Variants in SAMD3 observed in about 807,000 individuals in gnomAD.
SAMD3 encodes the protein sterile alpha motif domain containing 3, also known as sterile alpha motif domain-containing protein 3.
Under a neutral mutation model 58.5 loss-of-function variants are expected in SAMD3, and 63 were observed. That is an observed-to-expected ratio of 1.08 (90% CI 0.88 to 1.33). The LOEUF is 1.33. Among genes scored for constraint, SAMD3 ranks in the 40% most tolerant of loss-of-function variants. The pLI, the probability that SAMD3 is intolerant of heterozygous loss-of-function variation, is 0.00. For missense variants in SAMD3, 604 were observed against 608.4 expected, an observed-to-expected ratio of 0.99 and a Z score of 0.08; for synonymous variants, 220 against 210.3, an observed-to-expected ratio of 1.05 and a Z score of -0.40.
intron 2 of SAMD3, among the ~76,000 whole-genome samples, chr6:130,310,712 C>T (rs1212055978): frequency 6.6e-6 from 1 of 152,080 alleles, no homozygotes; most frequent in African/African-American, 2.4e-5. Flanking sequence ...ATTTCTATGC[C>T]CTACAACTGC....
intron 1 of SAMD3, among the ~76,000 whole-genome samples, chr6:130,217,637 G>C (rs1344621407): frequency 6.6e-6 from 1 of 152,230 alleles, no homozygotes; most frequent in African/African-American, 2.4e-5. Context: ...AGGGTCACCT[G>C]CTGTGAACGT....
In SAMD3 at chr6:130,269,135, T is replaced by A. The variant is rs10457543; in HGVS notation, c.-188+43843A>T. Among the ~76,000 whole-genome samples the A allele has an allele frequency of 1.6e-4, 25 of 152,096 alleles. No individual in the cohort carries two copies. In the East Asian group the frequency reaches 4.8e-3, roughly 29 times the overall value. On this transcript the variant is annotated intron_variant, in intron 2 of 13. Transcript: ENST00000368134. Reference sequence around the variant, plus strand: ...ATTTTTGAATTAATTTTGGTATAAGTTGTGAAGTTTAGGTTGAGGTTCTTT... The same window carrying A: ...ATTTTTGAATTAATTTTGGTATAAGATGTGAAGTTTAGGTTGAGGTTCTTT...
At chr6:130,166,755 G>A (rs563419757) in intron 8 of SAMD3, among the ~76,000 whole-genome samples, 2 of 152,244 alleles carry the variant, frequency 1.3e-5, no homozygotes, top group African/African-American at 4.8e-5. Flanking sequence ...AATGCAAAAG[G>A]CTAACACACA....
At chr6:130,254,063 G>T (rs1279717963) in intron 2 of SAMD3, among the ~76,000 whole-genome samples, 5 of 151,790 alleles carry the variant, frequency 3.3e-5, no homozygotes, top group Admixed American at 3.3e-4. Flanking sequence ...GCAAGATCAT[G>T]GCTCACTGCA....
At chr6:130,345,182 G>A (rs778297964) in intron 1 of SAMD3, among the ~76,000 whole-genome samples, 1 of 152,290 alleles carries the variant, frequency 6.6e-6, no homozygotes, top group East Asian at 1.9e-4. Flanking sequence ...TGGGAGTGGA[G>A]GTGGAAGAAG....
At chr6:130,309,817 T>C (rs1229576056) in intron 2 of SAMD3, among the ~76,000 whole-genome samples, 1 of 152,194 alleles carries the variant, frequency 6.6e-6, no homozygotes, top group Non-Finnish European at 1.5e-5. Context: ...TCCTGTGCCA[T>C]TGGGAGGTAA....
At chr6:130,205,975 A>T (rs2114807782) in intron 5 of SAMD3, among the ~76,000 whole-genome samples, 1 of 152,348 alleles carries the variant, frequency 6.6e-6, no homozygotes, top group African/African-American at 2.4e-5. Flanking sequence ...AAAGGGACCA[A>T]GAGTGGCTCC....
At chr6:130,162,913 A>C (rs1582759313) in intron 8 of SAMD3, among the ~76,000 whole-genome samples, 1 of 152,154 alleles carries the variant, frequency 6.6e-6, no homozygotes, top group East Asian at 1.9e-4. Flanking sequence ...CCAAATTGAT[A>C]TTTCTAATTT....
intron 1 of SAMD3, among the ~76,000 whole-genome samples, chr6:130,338,721 C>T (rs752318549): frequency 3.9e-5 from 6 of 152,152 alleles, no homozygotes; most frequent in East Asian, 3.9e-4. Flanking sequence ...TTCAGACTTG[C>T]GTGAGGCCTA....
chr6:130,355,814 G>C (rs917771171), intron 1 of SAMD3, among the ~76,000 whole-genome samples: 1 of 152,194 alleles, frequency 6.6e-6, no homozygotes, highest in Admixed American at 6.5e-5. Context: ...GAAGAAGCAG[G>C]AGTACTTCAG....
chr6:130,144,460 A>G lies in SAMD3; in HGVS notation c.*60T>C. Reference sequence around the variant, plus strand: ...TCTACCACAACCCTAAATCAAAACAATTTCTTATGAAGCTTCAGTTTTCCC... The same window carrying G: ...TCTACCACAACCCTAAATCAAAACAGTTTCTTATGAAGCTTCAGTTTTCCC... On this transcript the variant is annotated 3_prime_UTR_variant, in exon 12 of 12. Transcript: ENST00000439090. 3.3e-6 allele frequency: 5 copies of G among 1,535,664 alleles called. No homozygotes were observed. Among genetic ancestry groups the G allele is most frequent in the African/African-American group, 2.8e-5 (2 of 72,440 alleles).
chr6:130,234,203 T>C (rs910526383), intron 2 of SAMD3, among the ~76,000 whole-genome samples: 2 of 152,244 alleles, frequency 1.3e-5, no homozygotes, highest in Non-Finnish European at 2.9e-5. Context: ...TTGCTTCTCT[T>C]ATGTGTAAAT....
chr6:130,309,834 CCTAT>C (rs1776080757), intron 2 of SAMD3, among the ~76,000 whole-genome samples: 1 of 152,250 alleles, frequency 6.6e-6, no homozygotes, highest in Non-Finnish European at 1.5e-5. Flanking sequence ...GTAAAAGCTC[CCTAT>C]CTAACACCTT....
At chr6:130,252,301 T>G (rs1456061925) in intron 2 of SAMD3, among the ~76,000 whole-genome samples, 1 of 152,198 alleles carries the variant, frequency 6.6e-6, no homozygotes, top group African/African-American at 2.4e-5. Flanking sequence ...GGATCTAAAG[T>G]GAGTCTTGTA....
intron 9 of SAMD3, among the ~76,000 whole-genome samples, chr6:130,153,253 A>G (rs969679358): frequency 3.2e-4 from 48 of 152,194 alleles, no homozygotes; most frequent in African/African-American, 1.1e-3. Context: ...ATGACTGGCT[A>G]TTACAGTTCC....
intron 1 of SAMD3, among the ~76,000 whole-genome samples, chr6:130,355,056 A>G (rs921179762): frequency 1.3e-5 from 2 of 152,320 alleles, no homozygotes; most frequent in Middle Eastern, 3.4e-3. Flanking sequence ...GGTTTCCCAG[A>G]TAAAGTGAAC....
At chr6:130,235,138 G>A (rs1270980244) in intron 2 of SAMD3, among the ~76,000 whole-genome samples, 1 of 152,094 alleles carries the variant, frequency 6.6e-6, no homozygotes, top group Non-Finnish European at 1.5e-5. Context: ...TAGGGAAATT[G>A]TAGTTCTTTA....
intron 8 of SAMD3, among the ~76,000 whole-genome samples, chr6:130,168,015 C>T (rs1200983737): frequency 1.3e-5 from 2 of 152,144 alleles, no homozygotes; most frequent in Non-Finnish European, 2.9e-5. Context: ...CTAAGCAGAG[C>T]AAAAATGGCA....
At chr6:130,200,578 A>AG (rs1554261167) in intron 5 of SAMD3, among the ~76,000 whole-genome samples, 27 of 148,452 alleles carry the variant, frequency 1.8e-4, no homozygotes, top group South Asian at 8.5e-4. Context: ...AAAAAAAAAA[A>AG]GGGGAATGAG....
Sources: gnomAD v4.1 joint callset for allele counts (sites outside exome capture counted in the v4.1 genomes callset) on GRCh38, gnomAD v4.1.1 for gene constraint, MANE v1.5 for transcripts, NCBI Gene and HGNC (gene_info 2026-07-23, HGNC 2026-07-21) for gene names.